Variants in PCDH15 observed in about 807,000 individuals in gnomAD.
PCDH15 encodes protocadherin related 15.
PCDH15 carries 129 observed loss-of-function variants against 178.5 expected under a neutral mutation model. That is an observed-to-expected ratio of 0.72 (90% confidence interval 0.63 to 0.84). The LOEUF (loss-of-function observed/expected upper bound fraction) is 0.84. PCDH15 is among the 40% of genes least tolerant of loss of function. The pLI is 0.00. For synonymous variants in PCDH15, 800 were observed against 732.0 expected, an observed-to-expected ratio of 1.09 and a Z score of -1.50; for missense variants, 2,230 against 2,099.9, an observed-to-expected ratio of 1.06 and a Z score of -1.21.
chr10:54,226,780 G>C (rs551274783), intron 9 of PCDH15, among the ~76,000 whole-genome samples: 1 of 152,116 alleles, frequency 6.6e-6, no homozygotes, highest in Non-Finnish European at 1.5e-5. Flanking sequence ...GTGGGGATAC[G>C]GGCATTGGAT....
chr10:54,742,160 CTT>C (rs1463904457), intron 1 of PCDH15, among the ~76,000 whole-genome samples: 8 of 152,026 alleles, frequency 5.3e-5, no homozygotes, highest in Non-Finnish European at 7.4e-5. Context: ...GTCATTGACT[CTT>C]TACAGAAAAC....
At chr10:55,147,633 TCCCTA>T (rs1160828031) in intron 2 of PCDH15, among the ~76,000 whole-genome samples, 1 of 129,770 alleles carries the variant, frequency 7.7e-6, no homozygotes. Flanking sequence ...TCTCCTTTTC[TCCCTA>T]TCTTTCCTCT....
intron 26 of PCDH15, among the ~76,000 whole-genome samples, chr10:53,885,724 C>A (rs943655333): frequency 6.6e-6 from 1 of 151,958 alleles, no homozygotes; most frequent in South Asian, 2.1e-4. Flanking sequence ...TATAAGAGAA[C>A]CAACTATCTC....
intron 2 of PCDH15, among the ~76,000 whole-genome samples, chr10:54,579,260 T>C (rs779590337): frequency 4.6e-5 from 7 of 152,130 alleles, no homozygotes; most frequent in Non-Finnish European, 8.8e-5. Context: ...AGAACTCCCA[T>C]GTAACAACAC....
chr10:54,600,896 C>T (rs756245540), intron 2 of PCDH15, among the ~76,000 whole-genome samples: 1 of 151,930 alleles, frequency 6.6e-6, no homozygotes, highest in Non-Finnish European at 1.5e-5. Flanking sequence ...GGGAAATTTA[C>T]CAATTTCCTG....
intron 3 of PCDH15, among the ~76,000 whole-genome samples, chr10:54,852,281 C>T (rs1329248441): frequency 1.3e-5 from 2 of 151,990 alleles, no homozygotes; most frequent in African/African-American, 4.8e-5. Context: ...AAGGAAATTT[C>T]CATCAGCTGA....
chr10:54,131,029 C>T (rs1001926444), intron 15 of PCDH15, among the ~76,000 whole-genome samples: 1 of 152,134 alleles, frequency 6.6e-6, no homozygotes. Context: ...TTTCCTTCTA[C>T]CAGAAGCACA....
At position 55,624,142 on chromosome 10, in the gene PCDH15, C is replaced by T. The variant is rs1309467236; in HGVS notation, c.-156+3483G>A. Among the ~76,000 whole-genome samples the T allele has an allele frequency of 2.6e-5, 4 of 151,898 alleles. 1 individual carries two copies. Among genetic ancestry groups the T allele is most frequent in the African/African-American group, 9.7e-5 (4 of 41,272 alleles). ...TCACTATGTGTCAATCTCAATATAT[C>T]AATCATAATGCCTGTGATTTGTGGT... On this transcript the variant is annotated intron_variant, in intron 2 of 5. Transcript: ENST00000613346.
chr10:55,016,320 T>C (rs755894937), intron 2 of PCDH15, among the ~76,000 whole-genome samples: 4 of 152,098 alleles, frequency 2.6e-5, no homozygotes, highest in Non-Finnish European at 5.9e-5. Context: ...CTGTAATCAC[T>C]CTTTTGTGCT....
intron 2 of PCDH15, among the ~76,000 whole-genome samples, chr10:55,347,270 A>G (rs539911553): frequency 3.2e-4 from 49 of 152,066 alleles, no homozygotes; most frequent in Non-Finnish European, 6.3e-4. Context: ...GTTTTTTTAC[A>G]TAAAGGGGAA....
At chr10:55,464,517 T>A (rs1839786484) in intron 2 of PCDH15, among the ~76,000 whole-genome samples, 1 of 151,794 alleles carries the variant, frequency 6.6e-6, no homozygotes, top group South Asian at 2.1e-4. Context: ...TTGCTTTGCA[T>A]GGGTGTTTGA....
chr10:55,332,412 T>G (rs1306693463), intron 2 of PCDH15, among the ~76,000 whole-genome samples: 1 of 152,170 alleles, frequency 6.6e-6, no homozygotes, highest in Non-Finnish European at 1.5e-5. Context: ...ATAAGGCAAA[T>G]TGTGTGTCAA....
chr10:54,686,694 G>A (rs2095018139), intron 1 of PCDH15, among the ~76,000 whole-genome samples: 1 of 152,054 alleles, frequency 6.6e-6, no homozygotes, highest in Admixed American at 6.6e-5. Flanking sequence ...CCTTAGTGAA[G>A]ATCAGTTGAC....
intron 3 of PCDH15, among the ~76,000 whole-genome samples, chr10:54,441,939 A>G (rs1037079129): frequency 3.2e-4 from 49 of 151,794 alleles, no homozygotes; most frequent in African/African-American, 1.1e-3. Context: ...GAAACCACAT[A>G]TTCCTCTCTA....
intron 1 of PCDH15, among the ~76,000 whole-genome samples, chr10:55,314,218 T>C (rs1843664791): frequency 6.7e-6 from 1 of 148,342 alleles, no homozygotes; most frequent in Admixed American, 6.8e-5. Context: ...TATATATATA[T>C]ATGTAATGAT....
chr10:55,471,150 G>T (rs1292565023), intron 2 of PCDH15, among the ~76,000 whole-genome samples: 1 of 152,012 alleles, frequency 6.6e-6, no homozygotes, highest in African/African-American at 2.4e-5. Flanking sequence ...GTGAATATAT[G>T]TTTTCAACTC....
At chr10:54,707,050 T>C (rs1278959675) in intron 1 of PCDH15, among the ~76,000 whole-genome samples, 1 of 152,204 alleles carries the variant, frequency 6.6e-6, no homozygotes, top group South Asian at 2.1e-4. Flanking sequence ...CACATGTTAA[T>C]AGTAAGAGAT....
intron 2 of PCDH15, among the ~76,000 whole-genome samples, chr10:55,356,971 AG>A (rs1845095787): frequency 1.3e-5 from 2 of 152,096 alleles, no homozygotes; most frequent in South Asian, 4.1e-4. Context: ...AAAGTTCTGC[AG>A]GCAATTTAAA....
chr10:54,127,239 T>C (rs2042062494), intron 15 of PCDH15, among the ~76,000 whole-genome samples: 1 of 152,166 alleles, frequency 6.6e-6, no homozygotes. Context: ...ATACTTTTAT[T>C]CCATTGCAAA....
Sources: gnomAD v4.1 joint callset for allele counts (sites outside exome capture counted in the v4.1 genomes callset) on GRCh38, gnomAD v4.1.1 for gene constraint, MANE v1.5 for transcripts, NCBI Gene and HGNC (gene_info 2026-07-23, HGNC 2026-07-21) for gene names.